Variants in CFTR observed in about 807,000 individuals in gnomAD.
The protein encoded by CFTR is CF transmembrane conductance regulator.
A neutral mutation model predicts 171.6 loss-of-function variants in CFTR; 181 were observed. That is an observed-to-expected ratio of 1.05 (90% CI 0.93 to 1.19). The LOEUF is 1.19. Ranked by LOEUF, CFTR falls within the 50% of genes most tolerant of loss-of-function variation. The pLI is 0.00. For synonymous variants in CFTR, 583 were observed against 608.0 expected (o/e 0.96, Z 0.60); for missense variants, 1,968 against 1,734.7 (o/e 1.13, Z -2.39).
intron 1 of CFTR, among the ~76,000 whole-genome samples, chr7:117,503,189 A>G (rs1262635429): frequency 1.3e-5 from 2 of 152,214 alleles, no homozygotes; most frequent in Non-Finnish European, 2.9e-5. Flanking sequence ...ATATTGCTAA[A>G]GCACTCCCTT....
chr7:117,660,087 A>C (rs1001555754), intron 24 of CFTR, among the ~76,000 whole-genome samples: 2 of 151,662 alleles, frequency 1.3e-5, no homozygotes, highest in Non-Finnish European at 2.9e-5. Context: ...TTTTCACAGC[A>C]GTTTGGGAAG....
At chr7:117,585,402 T>C (rs1791915140) in intron 11 of CFTR, among the ~76,000 whole-genome samples, 1 of 152,152 alleles carries the variant, frequency 6.6e-6, no homozygotes, top group African/African-American at 2.4e-5. Context: ...TACTTATTTT[T>C]AATACTTAAA....
In CFTR at chr7:117,595,001, T is replaced by G. The variant is rs1042077; in HGVS notation, c.2562T>G (p.Thr854=). The G allele has an allele frequency of 0.34, 555,917 of 1,611,676 alleles. 101,808 individuals are homozygous for G. Among genetic ancestry groups the G allele is most frequent in the African/African-American group, 0.64 (47,997 of 74,844 alleles). ...GGAACACATACCTTCGATATATTACTGTCCACAAGAGCTTAATTTTTGTGC... is the reference window on the plus strand; with the variant it reads ...GGAACACATACCTTCGATATATTACGGTCCACAAGAGCTTAATTTTTGTGC... ...TTWNTYLRYI[T]VHKSLIFVLI... is the part of the protein sequence containing the mutation. The change falls in exon 15 of 27, where the codon ACT becomes ACG. Residue 854 remains threonine, a synonymous_variant. Transcript: ENST00000003084.
chr7:117,596,648 C>G (rs1054054815), intron 15 of CFTR, among the ~76,000 whole-genome samples: 1 of 152,226 alleles, frequency 6.6e-6, no homozygotes, highest in Non-Finnish European at 1.5e-5. Flanking sequence ...CACTCTGTAT[C>G]TAGCTCAAGG....
At chr7:117,535,725 G>C (rs899414093) in intron 6 of CFTR, among the ~76,000 whole-genome samples, 1 of 151,678 alleles carries the variant, frequency 6.6e-6, no homozygotes, top group Non-Finnish European at 1.5e-5. Context: ...GTAGAGACAG[G>C]GTTTCACCAG....
At chr7:117,573,477 T>C (rs1436539314) in intron 11 of CFTR, among the ~76,000 whole-genome samples, 4 of 152,116 alleles carry the variant, frequency 2.6e-5, no homozygotes, top group Non-Finnish European at 4.4e-5. Flanking sequence ...AACAAGTATC[T>C]AGATGAGTAG....
rs562851847 is a variant in CFTR at position 117,594,979 on chromosome 7, A to G, written c.2540A>G (p.Asn847Ser). 19 of 1,612,968 alleles carry G rather than the reference A, an allele frequency of 1.2e-5. No individual in the cohort carries two copies. The East Asian group carries it at 3.8e-4, about 32-fold the overall frequency. Reference protein sequence around the residue: ...MESIPAVTTWNTYLRYITVHK... With the variant: ...MESIPAVTTWSTYLRYITVHK... ...AGCATACCAGCAGTGACTACATGGA[A>G]CACATACCTTCGATATATTACTGTC... The change falls in exon 15 of 27, where the codon AAC becomes AGC. Residue 847 changes from asparagine (N) to serine (S), a missense_variant. By Grantham distance (46) the Asn-to-Ser change is conservative. Transcript: ENST00000003084.
intron 23 of CFTR, 32 bp downstream of exon 23, chr7:117,642,625 A>T: frequency 6.2e-7 from 1 of 1,608,728 alleles, no homozygotes; most frequent in East Asian, 2.2e-5. Context: ...GAAAAAAGGC[A>T]ACTAAATTAT....
chr7:117,624,861 G>A (rs937414640), intron 21 of CFTR, among the ~76,000 whole-genome samples: 4 of 152,070 alleles, frequency 2.6e-5, no homozygotes, highest in Non-Finnish European at 5.9e-5. Context: ...TATCTGACTT[G>A]AGTTTCAAAA....
intron 21 of CFTR, among the ~76,000 whole-genome samples, chr7:117,624,565 G>A (rs549362539): frequency 7.8e-4 from 119 of 152,288 alleles, no homozygotes; most frequent in Admixed American, 7.9e-4. Context: ...TTGGAATTGA[G>A]GCACGGGCCT....
intron 15 of CFTR, among the ~76,000 whole-genome samples, chr7:117,596,847 G>A (rs1792137403): frequency 6.6e-6 from 1 of 152,152 alleles, no homozygotes; most frequent in Non-Finnish European, 1.5e-5. Flanking sequence ...AGCACTCTCT[G>A]TCTAGCTCAG....
chr7:117,532,870 T>G (rs1317132683), intron 4 of CFTR, among the ~76,000 whole-genome samples: 1 of 152,190 alleles, frequency 6.6e-6, no homozygotes, highest in Non-Finnish European at 1.5e-5. Context: ...CTCCCTAAAG[T>G]AAACCTTGTG....
At position 117,542,063 on chromosome 7, in the gene CFTR, G is replaced by T. The variant is rs1800088; in HGVS notation, c.1164G>T (p.Thr388=). 2.5e-6 allele frequency: 4 copies of T among 1,603,134 alleles called. No individual in the cohort carries two copies. Among genetic ancestry groups the T allele is most frequent in the Admixed American group, 3.3e-5 (2 of 59,972 alleles). ...ATAAGACATTGGAATATAACTTAAC[G>T]ACTACAGAAGTAGTGATGGAGAATG... The part of the protein sequence containing the change: ...QEYKTLEYNL[T]TTEVVMENVT... Residue 388 remains threonine, a synonymous_variant, in exon 9 of 27, where the codon ACG becomes ACT. Coordinates refer to ENST00000003084, the MANE Select transcript of CFTR (RefSeq NM_000492.4).
rs1584850258 is a variant in CFTR at position 117,667,031 on chromosome 7, A to C, written c.4366A>C (p.Ser1456Arg). The C allele has an allele frequency of 1.2e-6, 2 of 1,614,084 alleles. No homozygotes were observed. Among genetic ancestry groups the C allele is most frequent in the East Asian group, 2.2e-5 (1 of 44,844 alleles). ...RVKLFPHRNS[S>R]KCKSKPQIAA... ...GAAGCTCTTTCCCCACCGGAACTCA[A>C]GCAAGTGCAAGTCTAAGCCCCAGAT... is the stretch of plus-strand genomic sequence containing the variant. The change falls in exon 27 of 27, where the codon AGC (serine) becomes CGC (arginine). Residue 1456 changes from serine to arginine, a missense_variant. By Grantham distance (110) the Ser-to-Arg change is moderately radical. Transcript: ENST00000003084.
intron 14 of CFTR, among the ~76,000 whole-genome samples, chr7:117,593,863 G>A (rs941461557): frequency 5.3e-5 from 8 of 152,238 alleles, no homozygotes; most frequent in South Asian, 4.1e-4. Flanking sequence ...CAAAGTGCTG[G>A]TATTACAGGC....
intron 12 of CFTR, among the ~76,000 whole-genome samples, chr7:117,588,914 A>G (rs1347051159): frequency 6.6e-6 from 1 of 152,128 alleles, no homozygotes; most frequent in Non-Finnish European, 1.5e-5. Flanking sequence ...CGGATAATTC[A>G]CAGGCTTCTA....
intron 11 of CFTR, among the ~76,000 whole-genome samples, chr7:117,576,309 T>C (rs371218794): frequency 6.6e-6 from 1 of 152,186 alleles, no homozygotes; most frequent in East Asian, 1.9e-4. Context: ...ATTGAACATG[T>C]ACATACATTT....
intron 1 of CFTR, among the ~76,000 whole-genome samples, chr7:117,501,776 C>CAAAAAA (rs796991857): frequency 3.6e-5 from 3 of 84,336 alleles, no homozygotes; most frequent in Non-Finnish European, 8.1e-5. Flanking sequence ...AAAAAAGAAA[C>CAAAAAA]AAAAAAAAAA....
chr7:117,607,324 G>T (rs1792314832), intron 18 of CFTR, among the ~76,000 whole-genome samples: 1 of 152,142 alleles, frequency 6.6e-6, no homozygotes, highest in Admixed American at 6.6e-5. Flanking sequence ...GATGTGAATA[G>T]GCCTCCAGGG....
Sources: allele counts gnomAD v4.1 joint callset (sites outside exome capture counted in the v4.1 genomes callset), GRCh38; gene constraint gnomAD v4.1.1; transcripts MANE v1.5; gene names NCBI Gene and HGNC (gene_info 2026-07-23, HGNC 2026-07-21).